The following DOCK3 variants were observed in gnomAD, a reference collection of about 807,000 sequenced individuals.
The protein encoded by DOCK3 is dedicator of cytokinesis 3, also known as dedicator of cytokinesis protein 3.
DOCK3 carries 60 observed loss-of-function variants against 265.6 expected under a neutral mutation model. The ratio of observed to expected loss-of-function variants is 0.23; its 90% CI spans 0.18 to 0.28. The LOEUF is 0.28. DOCK3 is among the 10% of genes least tolerant of loss of function. The probability of loss-of-function intolerance (pLI) is 1.00; values close to 1 mark genes in which losing one functional copy is unlikely to be tolerated. For missense variants in DOCK3, 1,981 were observed against 2,594.3 expected, an observed-to-expected ratio of 0.76 and a Z score of 5.14; for synonymous variants, 881 against 938.0, an observed-to-expected ratio of 0.94 and a Z score of 1.11.
intron 5 of DOCK3, among the ~76,000 whole-genome samples, chr3:50,965,048 AC>A (rs2076990608): frequency 6.6e-6 from 1 of 152,126 alleles, no homozygotes; most frequent in Non-Finnish European, 1.5e-5. Flanking sequence ...GACCTGAACC[AC>A]CAGAAATGTT....
At chr3:50,700,434 C>T (rs2035964620) in intron 1 of DOCK3, among the ~76,000 whole-genome samples, 1 of 152,192 alleles carries the variant, frequency 6.6e-6, no homozygotes, top group Non-Finnish European at 1.5e-5. Context: ...TTTGTTCCTC[C>T]CTACCTTTTC....
intron 4 of DOCK3, among the ~76,000 whole-genome samples, chr3:50,921,523 A>G (rs1267469320): frequency 2.0e-5 from 3 of 152,150 alleles, no homozygotes; most frequent in South Asian, 4.1e-4. Context: ...GAAGTTTGTT[A>G]TTACTGATCG....
chr3:51,202,577 T>G (rs1047109311), intron 12 of DOCK3, among the ~76,000 whole-genome samples: 23 of 152,244 alleles, frequency 1.5e-4, no homozygotes, highest in African/African-American at 5.1e-4. Flanking sequence ...ACAGCCGAAT[T>G]CTACCAGAGG....
chr3:51,289,604 A>G (rs2081615313), intron 27 of DOCK3, among the ~76,000 whole-genome samples: 1 of 152,170 alleles, frequency 6.6e-6, no homozygotes, highest in African/African-American at 2.4e-5. Context: ...AAATTCTCCA[A>G]TCAAAAGACG....
Position 50,675,292 on chromosome 3 carries a change from A to G in DOCK3, c.29A>G (p.Tyr10Cys). 1 of 1,271,032 alleles carries G rather than the reference A, an allele frequency of 7.9e-7. No individual in the cohort carries two copies. Among genetic ancestry groups the G allele is most frequent in the Middle Eastern group, 2.4e-4 (1 of 4,246 alleles). The allele number at this position is 1,271,032 out of a possible 1,614,324, so 78.7% of individuals were successfully genotyped here. MWTPTEEEK[Y>C]GVVICSFRGS... ...TGGACCCCCACGGAGGAGGAGAAAT[A>G]CGGCGTAGGTAGGTGAGGCTCAGGC... The change falls in exon 1 of 53, where the codon TAC (tyrosine) becomes TGC (cysteine). Residue 10 changes from tyrosine to cysteine, a missense_variant. Around this residue, in one of 4 missense-constraint regions of DOCK3, gnomAD observed 456 missense variants for 539.0 expected, o/e 0.85. Coordinates refer to ENST00000266037, the MANE Select transcript of DOCK3 (RefSeq NM_004947.5). The surrounding 1 kb of genome is among the most constrained non-coding windows in gnomAD (Gnocchi z 6.1).
At chr3:51,093,680 G>C (rs183124307) in intron 9 of DOCK3, among the ~76,000 whole-genome samples, 3 of 152,196 alleles carry the variant, frequency 2.0e-5, no homozygotes, top group East Asian at 3.9e-4. Context: ...TTGCCTGATT[G>C]CCCTGGCCAG....
intron 33 of DOCK3, 96 bp downstream of exon 33, chr3:51,330,319 G>T: frequency 7.9e-7 from 1 of 1,263,274 alleles, no homozygotes; most frequent in Non-Finnish European, 1.1e-6. Flanking sequence ...AGGCTTTAGA[G>T]GTTGGTCATC....
chr3:51,160,789 T>A, intron 12 of DOCK3, 87 bp downstream of exon 12: 1 of 1,482,828 alleles, frequency 6.7e-7, no homozygotes, highest in South Asian at 1.4e-5. Context: ...TCAAACCTTG[T>A]GGACACAGGC....
At chr3:51,033,282 C>T (rs956981728) in intron 5 of DOCK3, among the ~76,000 whole-genome samples, 1 of 152,194 alleles carries the variant, frequency 6.6e-6, no homozygotes, top group Non-Finnish European at 1.5e-5. Context: ...TTTCTCAAAA[C>T]AATCTCATAA....
At chr3:51,249,700 G>A in intron 22 of DOCK3, among the ~76,000 whole-genome samples, 1 of 130,024 alleles carries the variant, frequency 7.7e-6, no homozygotes, top group Non-Finnish European at 1.7e-5. Context: ...GGAGGTGAGG[G>A]GCGCCTCTGC....
At chr3:51,186,714 G>C (rs2087624962) in intron 12 of DOCK3, among the ~76,000 whole-genome samples, 1 of 152,202 alleles carries the variant, frequency 6.6e-6, no homozygotes, top group African/African-American at 2.4e-5. Flanking sequence ...CATCTCAGCT[G>C]CTCCAGCTGT....
chr3:51,007,309 C>T (rs1030867862), intron 5 of DOCK3, among the ~76,000 whole-genome samples: 3 of 152,250 alleles, frequency 2.0e-5, no homozygotes, highest in South Asian at 2.1e-4. Flanking sequence ...TTTTAATGAT[C>T]GCCATTTTAA....
chr3:51,376,961 A>G (rs1290220941), intron 51 of DOCK3, among the ~76,000 whole-genome samples: 4 of 152,230 alleles, frequency 2.6e-5, no homozygotes, highest in Non-Finnish European at 4.4e-5. Context: ...TGCACCTGTG[A>G]CCCAAAACAG....
At chr3:51,189,510 A>G (rs1025890118) in intron 12 of DOCK3, among the ~76,000 whole-genome samples, 4 of 152,186 alleles carry the variant, frequency 2.6e-5, no homozygotes, top group African/African-American at 4.8e-5. Context: ...AAGAACATAC[A>G]GTATTTGGTT....
At chr3:50,680,803 C>G (rs2034358638) in intron 1 of DOCK3, among the ~76,000 whole-genome samples, 1 of 152,032 alleles carries the variant, frequency 6.6e-6, no homozygotes, top group East Asian at 1.9e-4. Flanking sequence ...TGTGCCCAGC[C>G]TGTTGCCTAC....
chr3:51,378,622 G>C (rs755157152), intron 51 of DOCK3, among the ~76,000 whole-genome samples: 1 of 152,208 alleles, frequency 6.6e-6, no homozygotes, highest in Non-Finnish European at 1.5e-5. Flanking sequence ...ACAGAGAAAG[G>C]ACATATTTCT....
At chr3:50,797,899 T>G (rs1188218919) in intron 2 of DOCK3, among the ~76,000 whole-genome samples, 1 of 152,220 alleles carries the variant, frequency 6.6e-6, no homozygotes, top group African/African-American at 2.4e-5. Context: ...AATCGTATTT[T>G]CAAATCTAAT....
At chr3:51,341,114 C>G in intron 37 of DOCK3, 123 bp from the exon 38 acceptor site, 1 of 1,233,606 alleles carries the variant, frequency 8.1e-7, no homozygotes, top group Non-Finnish European at 1.1e-6. Context: ...ATCCAGTGTC[C>G]CCGACCTGGG....
In DOCK3 at chr3:51,382,190, G is replaced by A. The variant is rs2088693110; in HGVS notation, c.*631G>A. 6.6e-6 allele frequency: 1 copy of A among 152,502 alleles called. No homozygotes were observed. The highest frequency in any genetic ancestry group is 1.5e-5 in the Non-Finnish European group (1 of 68,100). 9.4% of individuals were successfully genotyped at this position (152,502 alleles called of 1,614,324 possible). Reference sequence around the variant, plus strand: ...TGTGACTGGCCTAACTGCATGCCCAGGGCACTGCCAGGGTTCAATGGGCCA... The same window carrying A: ...TGTGACTGGCCTAACTGCATGCCCAAGGCACTGCCAGGGTTCAATGGGCCA... On this transcript the variant is annotated 3_prime_UTR_variant, in exon 53 of 53. Coordinates refer to ENST00000266037, the MANE Select transcript of DOCK3 (RefSeq NM_004947.5).
Sources: gnomAD v4.1 joint callset for allele counts (sites outside exome capture counted in the v4.1 genomes callset) on GRCh38, gnomAD v4.1.1 for gene constraint, gnomAD v4.1.1 regional missense constraint, Gnocchi (gnomAD v3.1) non-coding constraint, MANE v1.5 for transcripts, NCBI Gene and HGNC (gene_info 2026-07-23, HGNC 2026-07-21) for gene names.